PTPRD: variants seen among roughly 807,000 people sequenced by gnomAD.
The protein encoded by PTPRD is receptor-type tyrosine-protein phosphatase delta.
PTPRD carries 34 observed loss-of-function variants against 214.5 expected under a neutral mutation model. The ratio of observed to expected loss-of-function variants is 0.16; its 90% CI spans 0.12 to 0.21. The LOEUF is 0.21. PTPRD is among the 10% of genes least tolerant of loss of function. The probability of loss-of-function intolerance (pLI) is 1.00; values close to 1 mark genes in which losing one functional copy is unlikely to be tolerated. For synonymous variants in PTPRD, 1,128 were observed against 845.7 expected (o/e 1.33, Z -5.79); for missense variants, 2,545 against 2,398.7 (o/e 1.06, Z -1.27).
chr9:8,966,217 C>T (rs544385400), intron 11 of PTPRD, among the ~76,000 whole-genome samples: 3 of 152,150 alleles, frequency 2.0e-5, no homozygotes, highest in African/African-American at 7.2e-5. Flanking sequence ...TATCAAATTT[C>T]CAACATCATT....
chr9:9,406,697 G>A (rs2073537118), intron 8 of PTPRD, among the ~76,000 whole-genome samples: 1 of 151,792 alleles, frequency 6.6e-6, no homozygotes, highest in African/African-American at 2.4e-5. Context: ...AGAGTGATGT[G>A]GGATAAGAGA....
rs1379782167 is a variant in PTPRD at position 9,470,793 on chromosome 9, G to A, written c.-236-73311C>T. Among the ~76,000 whole-genome samples, 4 of 152,154 alleles carry A rather than the reference G, an allele frequency of 2.6e-5. No homozygotes were observed. In the East Asian group the frequency reaches 5.8e-4, roughly 22 times the overall value. On this transcript the variant is annotated intron_variant, in intron 8 of 45. Coordinates refer to ENST00000381196, the MANE Select transcript of PTPRD (RefSeq NM_002839.4). Reference sequence around the variant, plus strand: ...CTTCATCATTTGTCTGGAGGGACACGAATCAATGTGAAGCTGCCATGCTGT... The same window carrying A: ...CTTCATCATTTGTCTGGAGGGACACAAATCAATGTGAAGCTGCCATGCTGT...
chr9:9,762,377 G>C (rs1009451683), intron 6 of PTPRD, among the ~76,000 whole-genome samples: 2 of 152,156 alleles, frequency 1.3e-5, no homozygotes, highest in African/African-American at 4.8e-5. Flanking sequence ...GTTCTCTTCA[G>C]AGTACGCTTG....
chr9:8,576,951 C>T (rs1174711583), intron 14 of PTPRD, among the ~76,000 whole-genome samples: 4 of 152,202 alleles, frequency 2.6e-5, no homozygotes, highest in African/African-American at 9.6e-5. Flanking sequence ...GGACCTTTAT[C>T]ACCTGTTGTC....
intron 8 of PTPRD, among the ~76,000 whole-genome samples, chr9:9,532,216 G>C (rs989325589): frequency 4.6e-5 from 7 of 152,116 alleles, no homozygotes; most frequent in Admixed American, 3.3e-4. Flanking sequence ...TATTTGTATG[G>C]ACTTGAGAGA....
chr9:9,556,618 T>G (rs2154288591), intron 8 of PTPRD, among the ~76,000 whole-genome samples: 1 of 152,326 alleles, frequency 6.6e-6, no homozygotes, highest in South Asian at 2.1e-4. Flanking sequence ...AGTAAGTTAT[T>G]GTTGCTAGGG....
chr9:9,272,796 G>A (rs988496612), intron 9 of PTPRD, among the ~76,000 whole-genome samples: 1 of 151,238 alleles, frequency 6.6e-6, no homozygotes, highest in South Asian at 2.1e-4. Flanking sequence ...TCAAAAGCAA[G>A]CACTATGGCC....
chr9:10,490,962 T>C (rs1191800563), intron 2 of PTPRD, among the ~76,000 whole-genome samples: 1 of 152,178 alleles, frequency 6.6e-6, no homozygotes, highest in African/African-American at 2.4e-5. Context: ...ATCTTAATAC[T>C]GTACACATAA....
intron 10 of PTPRD, among the ~76,000 whole-genome samples, chr9:9,048,268 A>G (rs1055061236): frequency 1.3e-5 from 2 of 152,170 alleles, no homozygotes. Context: ...CTAAAAATAG[A>G]GCTAACACAT....
chr9:8,711,958 A>G (rs910367772), intron 12 of PTPRD, among the ~76,000 whole-genome samples: 1 of 152,244 alleles, frequency 6.6e-6, no homozygotes. Context: ...CCAAAAGGCT[A>G]CATATTGCGG....
intron 3 of PTPRD, among the ~76,000 whole-genome samples, chr9:10,096,118 C>T (rs1203868357): frequency 6.6e-6 from 1 of 151,554 alleles, no homozygotes; most frequent in Non-Finnish European, 1.5e-5. Context: ...AGCGTAAACA[C>T]CATCTTGAAC....
chr9:9,952,197 G>C (rs2093517978), intron 4 of PTPRD, among the ~76,000 whole-genome samples: 1 of 152,158 alleles, frequency 6.6e-6, no homozygotes. Flanking sequence ...GGTGAAAGGA[G>C]AAATGGTAAC....
chr9:10,127,159 C>T (rs111622166), intron 3 of PTPRD, among the ~76,000 whole-genome samples: 2,444 of 151,294 alleles, frequency 0.016, 66 homozygotes, highest in African/African-American at 0.054. Flanking sequence ...CAACTATATC[C>T]TGAGCCCCAT....
intron 9 of PTPRD, among the ~76,000 whole-genome samples, chr9:9,308,927 G>A (rs889781811): frequency 1.3e-5 from 2 of 152,032 alleles, no homozygotes; most frequent in African/African-American, 2.4e-5. Flanking sequence ...AACTATTGTG[G>A]TGAGATTTAT....
intron 7 of PTPRD, among the ~76,000 whole-genome samples, chr9:9,633,681 T>C (rs115772686): frequency 0.014 from 2,144 of 152,276 alleles, 48 homozygotes; most frequent in African/African-American, 0.049. Flanking sequence ...CTAAAGGTTG[T>C]AGGTTATCCC....
chr9:10,125,167 C>G (rs2098806290), intron 3 of PTPRD, among the ~76,000 whole-genome samples: 1 of 151,986 alleles, frequency 6.6e-6, no homozygotes, highest in Admixed American at 6.6e-5. Context: ...GTTGTACAAA[C>G]TTAAAGGTGG....
chr9:8,913,068 A>C (rs550668008), intron 11 of PTPRD, among the ~76,000 whole-genome samples: 61 of 152,152 alleles, frequency 4.0e-4, no homozygotes, highest in Non-Finnish European at 7.4e-4. Context: ...TGAGAAGTTC[A>C]ATAATATCAC....
intron 32 of PTPRD, 56 bp downstream of exon 32, chr9:8,465,410 C>A: frequency 6.7e-7 from 1 of 1,491,070 alleles, no homozygotes; most frequent in Non-Finnish European, 9.3e-7. Flanking sequence ...TAACCACATT[C>A]CAGTGAAAAT....
chr9:10,403,490 G>A (rs1463559073), intron 2 of PTPRD, among the ~76,000 whole-genome samples: 1 of 151,016 alleles, frequency 6.6e-6, no homozygotes, highest in African/African-American at 2.4e-5. Context: ...AGCAAATGCT[G>A]GCCAGGATGT....
Sources: allele counts gnomAD v4.1 joint callset (sites outside exome capture counted in the v4.1 genomes callset), GRCh38; gene constraint gnomAD v4.1.1; transcripts MANE v1.5; gene names NCBI Gene and HGNC (gene_info 2026-07-23, HGNC 2026-07-21).